The following MB21D2 variants were observed in gnomAD, a reference collection of about 807,000 sequenced individuals.
MB21D2 encodes the protein nucleotidyltransferase MB21D2.
In MB21D2, 9 loss-of-function variants were observed where a neutral mutation model predicts 33.3. That is an observed-to-expected ratio of 0.27 (90% CI 0.16 to 0.47). The LOEUF is 0.47. Ranked by LOEUF, MB21D2 falls within the 20% of genes least tolerant of loss-of-function variation. The pLI is 0.99. For missense variants in MB21D2, 540 were observed against 624.6 expected (o/e 0.86, Z 1.44); for synonymous variants, 241 against 236.3 (o/e 1.02, Z -0.18).
chr3:192,845,922 TA>T (rs898580981), intron 1 of MB21D2, among the ~76,000 whole-genome samples: 22 of 148,730 alleles, frequency 1.5e-4, no homozygotes, highest in African/African-American at 5.5e-4. Context: ...CTACAAAAAA[TA>T]AAAAATAACT....
At chr3:192,879,787 C>A (rs1713519937) in intron 1 of MB21D2, among the ~76,000 whole-genome samples, 1 of 152,218 alleles carries the variant, frequency 6.6e-6, no homozygotes, top group South Asian at 2.1e-4. Flanking sequence ...ATTTTTATTG[C>A]AGAGAATACC....
rs184875492 is a variant in MB21D2, at chr3:192,881,793, C to G, written c.211+35837G>C. 2.0e-5 allele frequency among the ~76,000 whole-genome samples: 3 copies of G among 152,282 alleles called. No individual in the cohort carries two copies. In the East Asian group the frequency reaches 5.8e-4, roughly 29 times the overall value. ...ACAAAATTCCTGTGAAATTGTATCA[C>G]TAGGGAGCTATAAATGCCACATGAG... is the stretch of plus-strand genomic sequence containing the variant. On this transcript the variant is annotated intron_variant, in intron 1 of 1. Transcript: ENST00000392452.
intron 1 of MB21D2, among the ~76,000 whole-genome samples, chr3:192,840,618 T>C (rs1411385687): frequency 6.6e-6 from 1 of 151,876 alleles, no homozygotes; most frequent in East Asian, 1.9e-4. Context: ...AAGTTTCTCG[T>C]GGTGGGAGGT....
At position 192,798,504 on chromosome 3, in the gene MB21D2, C is replaced by T. The variant is rs555629003; in HGVS notation, c.1358G>A (p.Arg453His). The T allele has an allele frequency of 3.7e-6, 6 of 1,614,132 alleles. No individual in the cohort carries two copies. The highest frequency in any genetic ancestry group is 2.7e-5 in the African/African-American group (2 of 75,032). Residue 453 changes from arginine to histidine, a missense_variant, in exon 2 of 2, where the codon CGT becomes CAT. Physicochemically the swap from Arg to His is conservative, Grantham distance 29 (BLOSUM62 0). Transcript: ENST00000392452. The surrounding 1 kb of genome is among the most constrained non-coding windows in gnomAD (Gnocchi z 4.8). ...DGGDPNQPDDRLAKKLQQLVT... is the reference protein window; with the variant it reads ...DGGDPNQPDDHLAKKLQQLVT... ...TAGCTGCTGCAGTTTTTTTGCCAAA[C>T]GGTCATCAGGCTGGTTGGGGTCCCC... is the stretch of plus-strand genomic sequence containing the variant.
chr3:192,914,810 G>A (rs1459421948), intron 1 of MB21D2, among the ~76,000 whole-genome samples: 1 of 152,108 alleles, frequency 6.6e-6, no homozygotes, highest in Non-Finnish European at 1.5e-5. Context: ...CACAGCCTGT[G>A]CAGAACCCTA....
At chr3:192,847,215 G>A (rs1434061652) in intron 1 of MB21D2, among the ~76,000 whole-genome samples, 1 of 152,164 alleles carries the variant, frequency 6.6e-6, no homozygotes, top group East Asian at 1.9e-4. Context: ...TTACTTTGCT[G>A]ATTAAATGTT....
chr3:192,878,469 G>C (rs1181234109), intron 1 of MB21D2, among the ~76,000 whole-genome samples: 3 of 152,298 alleles, frequency 2.0e-5, no homozygotes, highest in African/African-American at 7.2e-5. Context: ...ATAGAATAAA[G>C]ACTTATTCAG....
At chr3:192,881,710 C>A (rs1292336448) in intron 1 of MB21D2, among the ~76,000 whole-genome samples, 3 of 152,108 alleles carry the variant, frequency 2.0e-5, no homozygotes, top group Admixed American at 2.0e-4. Context: ...GAAAGGAAGG[C>A]TTCTGGAGAA....
At position 192,843,135 on chromosome 3, in the gene MB21D2, C is replaced by A. The variant is rs138057347; in HGVS notation, c.212-43485G>T. On this transcript the variant is annotated intron_variant, in intron 1 of 1. Coordinates refer to ENST00000392452, the MANE Select transcript of MB21D2 (RefSeq NM_178496.4). ...AAAGCTACTAGCTCAGGTCACAGAGCCTGAAGATTACATGAGGGCTAGCAT... is the reference window on the plus strand; with the variant it reads ...AAAGCTACTAGCTCAGGTCACAGAGACTGAAGATTACATGAGGGCTAGCAT... Among the ~76,000 whole-genome samples the A allele has an allele frequency of 4.2e-3, 645 of 152,152 alleles. 5 individuals carry two copies. The highest frequency in any genetic ancestry group is 0.014 in the African/African-American group (594 of 41,516).
At chr3:192,883,916 A>G (rs1427942102) in intron 1 of MB21D2, among the ~76,000 whole-genome samples, 1 of 152,136 alleles carries the variant, frequency 6.6e-6, no homozygotes, top group East Asian at 1.9e-4. Flanking sequence ...TTCTATTAAT[A>G]GTGGTGTTGC....
chr3:192,903,328 C>T (rs1477602970), intron 1 of MB21D2, among the ~76,000 whole-genome samples: 1 of 152,166 alleles, frequency 6.6e-6, no homozygotes, highest in Non-Finnish European at 1.5e-5. Flanking sequence ...CTTTTTGGCC[C>T]TCAGTTTCCA....
intron 1 of MB21D2, among the ~76,000 whole-genome samples, chr3:192,818,180 T>A (rs1410954138): frequency 6.6e-6 from 1 of 152,172 alleles, no homozygotes; most frequent in Non-Finnish European, 1.5e-5. Context: ...CTCATTCTCA[T>A]GTCTCACATG....
intron 1 of MB21D2, among the ~76,000 whole-genome samples, chr3:192,913,520 A>C (rs1438322742): frequency 6.6e-6 from 1 of 152,142 alleles, no homozygotes; most frequent in Non-Finnish European, 1.5e-5. Context: ...ACTGTTATCC[A>C]TGTTTAATAA....
chr3:192,814,466 C>T (rs1199172118), intron 1 of MB21D2, among the ~76,000 whole-genome samples: 1 of 152,130 alleles, frequency 6.6e-6, no homozygotes, highest in Non-Finnish European at 1.5e-5. Context: ...AAATAACCAG[C>T]CAAAGCCCTC....
intron 1 of MB21D2, among the ~76,000 whole-genome samples, chr3:192,878,183 T>C (rs1009522538): frequency 3.5e-5 from 5 of 144,286 alleles, no homozygotes; most frequent in Admixed American, 2.1e-4. Flanking sequence ...CACTGCAAGC[T>C]CCGCCTCGCG....
chr3:192,818,455 C>T (rs1711974352), intron 1 of MB21D2, among the ~76,000 whole-genome samples: 1 of 152,150 alleles, frequency 6.6e-6, no homozygotes, highest in Non-Finnish European at 1.5e-5. Context: ...AAAATGTACT[C>T]AAACACAGAA....
At chr3:192,873,016 C>CCCA (rs1560246037) in intron 1 of MB21D2, among the ~76,000 whole-genome samples, 2 of 151,432 alleles carry the variant, frequency 1.3e-5, no homozygotes, top group African/African-American at 2.4e-5. Flanking sequence ...GACACCCCCC[C>CCCA]CCACCAAGCA....
At chr3:192,906,451 C>T (rs1180603366) in intron 1 of MB21D2, among the ~76,000 whole-genome samples, 1 of 152,214 alleles carries the variant, frequency 6.6e-6, no homozygotes, top group Non-Finnish European at 1.5e-5. Flanking sequence ...AAAATTTCAG[C>T]CACCTTGAAA....
rs116560086 is a variant in MB21D2 at position 192,839,195 on chromosome 3, T to G, written c.212-39545A>C. Among the ~76,000 whole-genome samples the G allele has an allele frequency of 8.6e-4, 131 of 152,314 alleles. 1 individual carries two copies. Among genetic ancestry groups the G allele is most frequent in the African/African-American group, 3.0e-3 (126 of 41,578 alleles). The stretch of plus-strand genomic sequence containing the variant: ...ATATTAACAATTACAATTACTAGCA[T>G]GCTTATAAGCAAAAATATATACATA... On this transcript the variant is annotated intron_variant, in intron 1 of 1. Transcript: ENST00000392452.
Sources: gnomAD v4.1 joint callset for allele counts (sites outside exome capture counted in the v4.1 genomes callset) on GRCh38, gnomAD v4.1.1 for gene constraint, Gnocchi (gnomAD v3.1) non-coding constraint, MANE v1.5 for transcripts, NCBI Gene and HGNC (gene_info 2026-07-23, HGNC 2026-07-21) for gene names.